AHI1: variants seen among roughly 807,000 people sequenced by gnomAD.
The protein encoded by AHI1 is Abelson helper integration site 1.
In AHI1, 123 loss-of-function variants were observed where a neutral mutation model predicts 149.3. That is an observed-to-expected ratio of 0.82 (90% CI 0.71 to 0.96). The LOEUF (loss-of-function observed/expected upper bound fraction) is 0.96. Among genes scored for constraint, AHI1 ranks in the 40% least tolerant of loss-of-function variants. The probability of loss-of-function intolerance (pLI) is 0.00; values close to 1 mark genes in which losing one functional copy is unlikely to be tolerated. For synonymous variants in AHI1, 475 were observed against 459.8 expected, an observed-to-expected ratio of 1.03 and a Z score of -0.42; for missense variants, 1,439 against 1,422.7, an observed-to-expected ratio of 1.01 and a Z score of -0.18.
intron 18 of AHI1, 98 bp from the exon 19 acceptor site, chr6:135,428,857 C>A: frequency 8.7e-7 from 1 of 1,147,478 alleles, no homozygotes; most frequent in Non-Finnish European, 1.2e-6. Flanking sequence ...TTCCATTCAA[C>A]AAACATTTTT....
chr6:135,481,013 C>A (rs1793547933), intron 5 of AHI1, among the ~76,000 whole-genome samples: 1 of 152,170 alleles, frequency 6.6e-6, no homozygotes, highest in African/African-American at 2.4e-5. Context: ...TTGTCTTCCA[C>A]AAAACTGGCC....
At chr6:135,384,665 G>T (rs896661676) in intron 23 of AHI1, among the ~76,000 whole-genome samples, 9 of 152,160 alleles carry the variant, frequency 5.9e-5, no homozygotes, top group Non-Finnish European at 1.0e-4. Context: ...AGTGTTATTT[G>T]CATTCAGTTT....
intron 5 of AHI1, among the ~76,000 whole-genome samples, chr6:135,488,405 A>G (rs1475658289): frequency 6.6e-6 from 1 of 152,130 alleles, no homozygotes; most frequent in Non-Finnish European, 1.5e-5. Flanking sequence ...CCGTAGTGTC[A>G]ATTCCATCAT....
chr6:135,445,398 C>T (rs1391431336), intron 13 of AHI1, among the ~76,000 whole-genome samples: 3 of 152,104 alleles, frequency 2.0e-5, no homozygotes, highest in Admixed American at 2.0e-4. Context: ...CTAGTAAGAA[C>T]ACTTTAGTAA....
intron 7 of AHI1, among the ~76,000 whole-genome samples, chr6:135,463,613 T>C (rs1285033377): frequency 3.3e-5 from 5 of 152,172 alleles, no homozygotes; most frequent in African/African-American, 1.2e-4. Context: ...ATAGGACTTA[T>C]CAAAGCATGC....
chr6:135,420,226 T>C (rs550098217), intron 20 of AHI1, among the ~76,000 whole-genome samples: 1 of 152,338 alleles, frequency 6.6e-6, no homozygotes, highest in South Asian at 2.1e-4. Context: ...GAATCATGAA[T>C]GTTCTTACTG....
intron 20 of AHI1, among the ~76,000 whole-genome samples, chr6:135,423,240 A>C (rs771500748): frequency 6.6e-6 from 1 of 152,158 alleles, no homozygotes; most frequent in South Asian, 2.1e-4. Context: ...TTAGCCCCAA[A>C]TTTACTGATG....
At chr6:135,344,904 G>A (rs1391436117) in intron 24 of AHI1, among the ~76,000 whole-genome samples, 2 of 144,554 alleles carry the variant, frequency 1.4e-5, no homozygotes, top group African/African-American at 5.3e-5. Flanking sequence ...TTATTTCTCA[G>A]TTTATTGAAA....
chr6:135,385,392 G>T (rs1036540088), intron 23 of AHI1, among the ~76,000 whole-genome samples: 10 of 152,100 alleles, frequency 6.6e-5, no homozygotes, highest in African/African-American at 2.2e-4. Flanking sequence ...TGAGATAAGA[G>T]GCAAAACAAG....
At chr6:135,453,320 T>G in intron 11 of AHI1, 21 bp downstream of exon 11, 1 of 1,541,552 alleles carries the variant, frequency 6.5e-7, no homozygotes, top group South Asian at 1.2e-5. Context: ...TTAAAGTGTT[T>G]AAAATGGATG....
chr6:135,423,889 A>G (rs967476685), intron 20 of AHI1, among the ~76,000 whole-genome samples: 1 of 152,072 alleles, frequency 6.6e-6, no homozygotes, highest in African/African-American at 2.4e-5. Context: ...ATTATCAGAC[A>G]ATGCTGAGAA....
At chr6:135,387,233 A>G (rs1310791784) in intron 23 of AHI1, among the ~76,000 whole-genome samples, 1 of 152,178 alleles carries the variant, frequency 6.6e-6, no homozygotes, top group Non-Finnish European at 1.5e-5. Flanking sequence ...AAATGGAATT[A>G]TATGAAGTAT....
chr6:135,294,324 TCAAAACAAAACAAAACAAAA>T (rs60857616), intron 27 of AHI1, among the ~76,000 whole-genome samples: 2 of 147,968 alleles, frequency 1.4e-5, no homozygotes, highest in African/African-American at 5.0e-5. Context: ...AGACTCCATC[TCAAAACAAAACAAAACAAAA>T]CAAAACAAAA....
chr6:135,304,679 G>C (rs920506314), intron 26 of AHI1, among the ~76,000 whole-genome samples: 1 of 152,170 alleles, frequency 6.6e-6, no homozygotes, highest in Non-Finnish European at 1.5e-5. Flanking sequence ...GCTGAGGTAG[G>C]AGAATTGCTT....
intron 28 of AHI1, among the ~76,000 whole-genome samples, chr6:135,289,957 G>A (rs1186398602): frequency 1.3e-5 from 2 of 151,620 alleles, no homozygotes; most frequent in Non-Finnish European, 2.9e-5. Flanking sequence ...GGTGGAAAAA[G>A]TGGCCCACTC....
Position 135,370,750 on chromosome 6 carries a change from C to T in AHI1, c.3110-12563G>A, listed in dbSNP as rs369336467. On this transcript the variant is annotated intron_variant, in intron 23 of 28. Transcript: ENST00000265602. ...TAAGAGTGATGATCATTACAATGTA[C>T]ATATTAATTAGAAGCAAAACTCTAC... 4.6e-5 allele frequency among the ~76,000 whole-genome samples: 7 copies of T among 152,276 alleles called. No individual in the cohort carries two copies. The East Asian group carries it at 7.7e-4, about 17-fold the overall frequency.
chr6:135,436,171 C>T (rs1785369731), intron 15 of AHI1, among the ~76,000 whole-genome samples: 2 of 152,012 alleles, frequency 1.3e-5, no homozygotes, highest in Admixed American at 6.6e-5. Context: ...CTAGGATAAG[C>T]ATATAAAACC....
chr6:135,427,086 T>G, intron 20 of AHI1, 81 bp downstream of exon 20: 1 of 1,402,814 alleles, frequency 7.1e-7, no homozygotes. Context: ...TGTCAACATT[T>G]GAATTCCAGA....
At chr6:135,329,669 C>A (rs1471508296) in intron 24 of AHI1, among the ~76,000 whole-genome samples, 2 of 152,210 alleles carry the variant, frequency 1.3e-5, no homozygotes, top group Non-Finnish European at 2.9e-5. Flanking sequence ...GTAGTTTTGA[C>A]TTTCAGGTTT....
Sources: allele counts gnomAD v4.1 joint callset (sites outside exome capture counted in the v4.1 genomes callset), GRCh38; gene constraint gnomAD v4.1.1; transcripts MANE v1.5; gene names NCBI Gene and HGNC (gene_info 2026-07-23, HGNC 2026-07-21).